Variants in SFXN3 observed in about 807,000 individuals in gnomAD.
SFXN3 encodes the protein sideroflexin-3.
A neutral mutation model predicts 40.4 loss-of-function variants in SFXN3; 31 were observed. The ratio of observed to expected loss-of-function variants is 0.77; its 90% confidence interval spans 0.58 to 1.04. SFXN3 has a LOEUF of 1.04. SFXN3 is among the 50% of genes least tolerant of loss of function. SFXN3 has a pLI of 0.00. For synonymous variants in SFXN3, 157 were observed against 160.0 expected (o/e 0.98, Z 0.14); for missense variants, 366 against 408.2 (o/e 0.90, Z 0.89).
At chr10:101,037,293 G>A (rs1938665352) in intron 8 of SFXN3, 89 bp from the exon 9 acceptor site, 1 of 1,613,832 alleles carries the variant, frequency 6.2e-7, no homozygotes, top group Non-Finnish European at 8.5e-7. Flanking sequence ...GGGGAGAGAG[G>A]GAGGAGCTTT....
At chr10:101,038,221 T>C (rs1938712770) in intron 9 of SFXN3, 1 of 1,052,220 alleles carries the variant, frequency 9.5e-7, no homozygotes, top group African/African-American at 1.6e-5. Context: ...AACAGGTTGG[T>C]GGTCCCTGTG....
chr10:101,033,618 CA>C (rs1938435812), intron 2 of SFXN3, among the ~76,000 whole-genome samples: 1 of 152,156 alleles, frequency 6.6e-6, no homozygotes, highest in South Asian at 2.1e-4. Flanking sequence ...GACACAGAGA[CA>C]AAGTATAGAG....
In SFXN3 at chr10:101,036,709, C is replaced by T. The variant is rs1016195098; in HGVS notation, c.508-14C>T. On this transcript the variant is annotated splice_polypyrimidine_tract_variant and intron_variant, in intron 6 of 11. Coordinates refer to ENST00000393459, the Ensembl canonical transcript of SFXN3. The surrounding 1 kb of genome is among the most constrained non-coding windows in gnomAD (Gnocchi z 4.2). ...TGGCCCTTAGGGCCACTGAACAACA[C>T]CCTTCCTCCCCAGCACCTGCCCCCC... is the stretch of plus-strand genomic sequence containing the variant. The T allele has an allele frequency of 1.9e-6, 3 of 1,606,230 alleles. No homozygotes were observed. Among genetic ancestry groups the T allele is most frequent in the Non-Finnish European group, 2.6e-6 (3 of 1,174,046 alleles).
rs373302714 is a variant in SFXN3 at position 101,036,461 on chromosome 10, C to G, written c.432-25C>G. The G allele has an allele frequency of 2.5e-6, 4 of 1,612,832 alleles. No individual in the cohort carries two copies. The highest frequency in any genetic ancestry group is 3.4e-6 in the Non-Finnish European group (4 of 1,179,024). ...ACCTGCTGGACTTGTCACCTCTCCCCGTGACCTGGCTTTTCCACCCACAGG... is the reference window on the plus strand; with the variant it reads ...ACCTGCTGGACTTGTCACCTCTCCCGGTGACCTGGCTTTTCCACCCACAGG... On this transcript the variant is annotated intron_variant, in intron 5 of 11. Coordinates refer to ENST00000393459, the Ensembl canonical transcript of SFXN3. This position sits in a 1 kb window ranked among gnomAD's most constrained non-coding sequence, Gnocchi z 4.2.
At chr10:101,035,364 C>A in intron 3 of SFXN3, 133 bp from the exon 4 acceptor site, 2 of 1,028,826 alleles carry the variant, frequency 1.9e-6, no homozygotes, top group Non-Finnish European at 2.7e-6. Flanking sequence ...AGATAAGGAG[C>A]TTCCTTATGC....
Position 101,039,629 on chromosome 10 carries a change from G to A in SFXN3, c.*44G>A. ...CCCTCCCTCACTTCCTTGGGCTGCT[G>A]CTTTAGTGGAGTCATGTCACCCCTA... is the stretch of plus-strand genomic sequence containing the variant. On this transcript the variant is annotated 3_prime_UTR_variant, in exon 12 of 12. Coordinates refer to ENST00000393459, the Ensembl canonical transcript of SFXN3. This position sits in a 1 kb window ranked among gnomAD's most constrained non-coding sequence, Gnocchi z 4.6. The A allele has an allele frequency of 6.3e-7, 1 of 1,575,622 alleles. No homozygotes were observed. Among genetic ancestry groups the A allele is most frequent in the Non-Finnish European group, 8.7e-7 (1 of 1,145,040 alleles).
At chr10:101,040,586 C>CA (rs113922098) in exon 12 of SFXN3, 2 of 143,308 alleles carry the variant, frequency 1.4e-5, no homozygotes, top group Non-Finnish European at 3.1e-5. Flanking sequence ...GTTCCATTGA[C>CA]TTTTTTTTTT....
intron 9 of SFXN3, chr10:101,037,953 TG>T (rs1938701541): frequency 1.5e-6 from 1 of 672,646 alleles, no homozygotes; most frequent in Non-Finnish European, 1.9e-6. Context: ...GTTTATAGTC[TG>T]ATGCAGAAAC....
rs937981345 is a variant in SFXN3 at position 101,036,988 on chromosome 10, G to A, written c.594-88G>A. ...ACCAGCCTTTGAGCCTGGGGTGTGT[G>A]AGGGGACCCTGAGGAGCCGCTGCTC... On this transcript the variant is annotated intron_variant, in intron 7 of 11. Transcript: ENST00000393459. This position sits in a 1 kb window ranked among gnomAD's most constrained non-coding sequence, Gnocchi z 4.2. 1 of 1,569,082 alleles carries A rather than the reference G, an allele frequency of 6.4e-7. No homozygotes were observed. The highest frequency in any genetic ancestry group is 1.8e-5 in the Admixed American group (1 of 54,538).
At position 101,036,633 on chromosome 10, in the gene SFXN3, A is replaced by G. The variant is rs1056436504; in HGVS notation, c.507+72A>G. On this transcript the variant is annotated intron_variant, in intron 6 of 11. Transcript: ENST00000393459. This position sits in a 1 kb window ranked among gnomAD's most constrained non-coding sequence, Gnocchi z 4.2. ...CCTCCTTCTTCCTCATCACACCTCC[A>G]GTTCTGACCTATATGCCCCCTATAT... 2 of 1,611,506 alleles carry G rather than the reference A, an allele frequency of 1.2e-6. No individual in the cohort carries two copies. Among genetic ancestry groups the G allele is most frequent in the Admixed American group, 1.7e-5 (1 of 59,798 alleles).
At position 101,036,676 on chromosome 10, in the gene SFXN3, C is replaced by T. The variant is rs761459301; in HGVS notation, c.508-47C>T. 1.2e-6 allele frequency: 2 copies of T among 1,606,304 alleles called. No homozygotes were observed. Among genetic ancestry groups the T allele is most frequent in the East Asian group, 4.5e-5 (2 of 44,612 alleles). On this transcript the variant is annotated intron_variant, in intron 6 of 11. Coordinates refer to ENST00000393459, the Ensembl canonical transcript of SFXN3. The surrounding 1 kb of genome is among the most constrained non-coding windows in gnomAD (Gnocchi z 4.2). ...CCCTATATCTCCCCAGAGTCCCTCA[C>T]CACCCCATGGCCCTTAGGGCCACTG...
chr10:101,036,873 C>G lies in SFXN3; in HGVS notation c.593+65C>G. 2.5e-6 allele frequency: 4 copies of G among 1,583,476 alleles called. No individual in the cohort carries two copies. Among genetic ancestry groups the G allele is most frequent in the South Asian group, 1.1e-5 (1 of 88,526 alleles). ...GTAGCACACTGTCCATCCACGCAGA[C>G]CACCTCAGAATGGGGACATCCCTCT... On this transcript the variant is annotated intron_variant, in intron 7 of 11. Transcript: ENST00000393459. This position sits in a 1 kb window ranked among gnomAD's most constrained non-coding sequence, Gnocchi z 4.2.
chr10:101,037,765 C>A, intron 9 of SFXN3: 1 of 1,243,902 alleles, frequency 8.0e-7, no homozygotes, highest in South Asian at 2.0e-5. Flanking sequence ...GAGAGGTACA[C>A]ACGGGTGAAC....
chr10:101,040,921 C>CA (rs1938867610), exon 12 of SFXN3: 1 of 152,286 alleles, frequency 6.6e-6, no homozygotes, highest in South Asian at 2.1e-4. Flanking sequence ...GCAAAACCCC[C>CA]ACCTTAACCT....
At position 101,036,740 on chromosome 10, in the gene SFXN3, C is replaced by T. The variant is rs189007614; in HGVS notation, c.525C>T (p.Val175=). 8.9e-5 allele frequency: 144 copies of T among 1,611,826 alleles called. No individual in the cohort carries two copies. The highest frequency in any genetic ancestry group is 3.3e-4 in the Middle Eastern group (2 of 6,052). Residue 175 remains valine, a synonymous_variant, in exon 7 of 12, where the codon GTC becomes GTT. Coordinates refer to ENST00000393459, the Ensembl canonical transcript of SFXN3. This position sits in a 1 kb window ranked among gnomAD's most constrained non-coding sequence, Gnocchi z 4.2. ...CTCCCCAGCACCTGCCCCCCTTGGT[C>T]GGCAGATTTGTGCCCTTTGCAGCAG...
chr10:101,032,119 G>A, intron 1 of SFXN3, 195 bp from the exon 2 acceptor site: 1 of 275,120 alleles, frequency 3.6e-6, no homozygotes. Context: ...CTGCAGGGCT[G>A]GGGGTCTGCT....
At chr10:101,035,187 G>C (rs1341275957) in intron 3 of SFXN3, among the ~76,000 whole-genome samples, 1 of 152,212 alleles carries the variant, frequency 6.6e-6, no homozygotes, top group African/African-American at 2.4e-5. Flanking sequence ...CTTATCTTTG[G>C]GAGGAAAAAC....
At chr10:101,032,695 C>T (rs1938350159) in intron 2 of SFXN3, among the ~76,000 whole-genome samples, 1 of 152,124 alleles carries the variant, frequency 6.6e-6, no homozygotes, top group Admixed American at 6.5e-5. Context: ...CAGTGTGCGC[C>T]TGTAAAGGTG....
At chr10:101,032,511 G>A in intron 2 of SFXN3, 29 bp downstream of exon 2, 1 of 1,529,720 alleles carries the variant, frequency 6.5e-7, no homozygotes, top group Non-Finnish European at 8.8e-7. Flanking sequence ...CGGCGGGCGG[G>A]GTTCTGGAAT....
Sources: allele counts gnomAD v4.1 joint callset (sites outside exome capture counted in the v4.1 genomes callset), GRCh38; gene constraint gnomAD v4.1.1; non-coding constraint Gnocchi (gnomAD v3.1); transcripts MANE v1.5; gene names NCBI Gene and HGNC (gene_info 2026-07-23, HGNC 2026-07-21).